TBX5: variants seen among roughly 807,000 people sequenced by gnomAD.
TBX5 encodes the protein T-box transcription factor TBX5.
A neutral mutation model predicts 51.1 loss-of-function variants in TBX5; 8 were observed. The ratio of observed to expected loss-of-function variants is 0.16; its 90% CI spans 0.09 to 0.28. TBX5 has a LOEUF of 0.28. Ranked by LOEUF, TBX5 falls within the 10% of genes least tolerant of loss-of-function variation. TBX5 has a pLI of 1.00. For synonymous variants in TBX5, 302 were observed against 266.4 expected, an observed-to-expected ratio of 1.13 and a Z score of -1.30; for missense variants, 589 against 671.7, an observed-to-expected ratio of 0.88 and a Z score of 1.36.
At chr12:114,397,368 GC>G (rs1055741035) in intron 5 of TBX5, among the ~76,000 whole-genome samples, 1 of 152,128 alleles carries the variant, frequency 6.6e-6, no homozygotes, top group African/African-American at 2.4e-5. Context: ...CAAAAGCTAT[GC>G]CTCCCGTCCG....
Position 114,356,053 on chromosome 12 carries a change from A to G in TBX5, c.1036T>C (p.Ser346Pro). Reference protein sequence around the residue: ...HPYKKPYMETSPSEEDSFYRS... With the variant: ...HPYKKPYMETPPSEEDSFYRS... ...TAGAAGGAATCTTCTTCACTGGGTG[A>G]TGTCTCCATGTAGGGCTTCTTATAG... The change falls in exon 9 of 9, where the codon TCA becomes CCA. Residue 346 changes from serine (S) to proline (P), a missense_variant. Physicochemically the swap from Ser to Pro is moderately conservative, Grantham distance 74 (BLOSUM62 -1). Around this residue, in one of 7 missense-constraint regions of TBX5, gnomAD observed 348 missense variants for 360.4 expected, o/e 0.97. Transcript: ENST00000405440. 6.2e-7 allele frequency: 1 copy of G among 1,613,986 alleles called. No homozygotes were observed. The highest frequency in any genetic ancestry group is 1.1e-5 in the South Asian group (1 of 91,082).
In TBX5 at chr12:114,355,913, G is replaced by T. The variant is rs1180235375; in HGVS notation, c.1176C>A (p.Ser392Arg). The T allele has an allele frequency of 7.4e-6, 12 of 1,613,770 alleles. No homozygotes were observed. Among genetic ancestry groups the T allele is most frequent in the Non-Finnish European group, 9.3e-6 (11 of 1,180,048 alleles). ...SSAPPSEPVPSLEDISCNTWP... is the reference protein window; with the variant it reads ...SSAPPSEPVPRLEDISCNTWP... The stretch of plus-strand genomic sequence containing the variant: ...ACGTGTTGCAGCTGATGTCCTCTAG[G>T]CTGGGCACAGGCTCGCTGGGGGGCG... The change falls in exon 9 of 9, where the codon AGC (serine) becomes AGA (arginine). Residue 392 changes from serine (S) to arginine (R), a missense_variant. Ser to Arg is a moderately radical substitution (Grantham distance 110). Transcript: ENST00000405440.
chr12:114,359,917 C>T (rs963066204), intron 8 of TBX5, among the ~76,000 whole-genome samples: 2 of 152,184 alleles, frequency 1.3e-5, no homozygotes. Context: ...TGACCTGGGT[C>T]CATTCTCTTT....
At chr12:114,384,711 G>GAA (rs1375755881) in intron 7 of TBX5, among the ~76,000 whole-genome samples, 4 of 69,726 alleles carry the variant, frequency 5.7e-5, no homozygotes, top group African/African-American at 1.4e-4. Context: ...CAGAAAAAAA[G>GAA]AAAACACACA....
chr12:114,401,994 A>C, intron 2 of TBX5, 74 bp from the exon 3 acceptor site: 2 of 1,298,604 alleles, frequency 1.5e-6, no homozygotes, highest in Non-Finnish European at 2.2e-6. Flanking sequence ...ACTCCCCCAA[A>C]ACACAGAGAC....
intron 7 of TBX5, among the ~76,000 whole-genome samples, chr12:114,370,301 AG>A (rs1869814521): frequency 6.7e-6 from 1 of 149,546 alleles, no homozygotes; most frequent in Non-Finnish European, 1.5e-5. Context: ...AGAAAAGAAA[AG>A]AAAAGAAAAG....
At chr12:114,360,755 T>C (rs1487491994) in intron 8 of TBX5, among the ~76,000 whole-genome samples, 5 of 151,312 alleles carry the variant, frequency 3.3e-5, no homozygotes, top group Admixed American at 6.6e-5. Context: ...GGTGGGTGGA[T>C]GGATTGGTGG....
At chr12:114,378,004 T>C (rs2136388888) in intron 7 of TBX5, among the ~76,000 whole-genome samples, 1 of 152,138 alleles carries the variant, frequency 6.6e-6, no homozygotes, top group Middle Eastern at 3.4e-3. Context: ...GTTGGGTGGC[T>C]CAGATCCCAG....
intron 1 of TBX5, among the ~76,000 whole-genome samples, chr12:114,405,018 A>T (rs1014624090): frequency 1.3e-5 from 2 of 152,156 alleles, no homozygotes; most frequent in Admixed American, 1.3e-4. Flanking sequence ...ATCTCCTTCC[A>T]ATCTCTTCTA....
chr12:114,371,866 G>A (rs1279942941), intron 7 of TBX5, among the ~76,000 whole-genome samples: 1 of 152,110 alleles, frequency 6.6e-6, no homozygotes. Flanking sequence ...GACTGCAGAG[G>A]GCACACCCAA....
At chr12:114,403,687 G>T in intron 2 of TBX5, 65 bp downstream of exon 2, 1 of 1,586,190 alleles carries the variant, frequency 6.3e-7, no homozygotes, top group Non-Finnish European at 8.6e-7. Context: ...AAGAGAAGCC[G>T]AGCAGGAAAG....
Position 114,403,844 on chromosome 12 carries a change from C to G in TBX5, c.55G>C (p.Ala19Pro). ...TTCGAATCGCAGGGCAGGTCTTTTG[C>G]GTCAGGCTCCAGAGGCGTGTGCGCC... ...GLAHTPLEPD[A>P]KDLPCDSKPE... The change falls in exon 2 of 9, where the codon GCA becomes CCA. Residue 19 changes from alanine (A) to proline (P), a missense_variant. Ala to Pro is a conservative substitution (Grantham distance 27). Around this residue, in one of 7 missense-constraint regions of TBX5, gnomAD observed 101 missense variants for 83.3 expected, o/e 1.21. Transcript: ENST00000405440. The G allele has an allele frequency of 1.2e-6, 2 of 1,613,958 alleles. No individual in the cohort carries two copies. Among genetic ancestry groups the G allele is most frequent in the Non-Finnish European group, 1.7e-6 (2 of 1,179,996 alleles).
At chr12:114,385,670 G>T in intron 6 of TBX5, 103 bp from the exon 7 acceptor site, 2 of 999,344 alleles carry the variant, frequency 2.0e-6, no homozygotes, top group Non-Finnish European at 1.6e-6. Flanking sequence ...TGCAGCCTCT[G>T]GCAACCAAAA....
At chr12:114,400,204 G>A (rs1871722055) in intron 3 of TBX5, among the ~76,000 whole-genome samples, 1 of 152,196 alleles carries the variant, frequency 6.6e-6, no homozygotes, top group Non-Finnish European at 1.5e-5. Flanking sequence ...GTATAACTCG[G>A]TTAATGACCT....
chr12:114,357,832 T>A (rs144560740), intron 8 of TBX5, among the ~76,000 whole-genome samples: 19 of 152,368 alleles, frequency 1.2e-4, no homozygotes, highest in Middle Eastern at 3.4e-3. Flanking sequence ...AGAAATTATG[T>A]CTGTCTTTGG....
chr12:114,359,492 G>A (rs1023609093), intron 8 of TBX5, among the ~76,000 whole-genome samples: 4 of 152,164 alleles, frequency 2.6e-5, no homozygotes, highest in Non-Finnish European at 5.9e-5. Flanking sequence ...CTGATGAGAT[G>A]AGTCCACAAC....
Position 114,366,216 on chromosome 12 carries a change from A to G in TBX5, c.931T>C (p.Tyr311His). 1 of 1,613,984 alleles carries G rather than the reference A, an allele frequency of 6.2e-7. No homozygotes were observed. The highest frequency in any genetic ancestry group is 8.5e-7 in the Non-Finnish European group (1 of 1,179,980). Reference protein sequence around the residue: ...SQDLLPPPNPYPLPQEHSQIY... With the variant: ...SQDLLPPPNPHPLPQEHSQIY... ...TGGCTATGCTCCTGGGGCAGTGGGTATGGGTTGGGTGGAGGCAGGAGGTCC... is the reference window on the plus strand; with the variant it reads ...TGGCTATGCTCCTGGGGCAGTGGGTGTGGGTTGGGTGGAGGCAGGAGGTCC... The change falls in exon 8 of 9, where the codon TAC becomes CAC. Residue 311 changes from tyrosine to histidine, a missense_variant. Physicochemically the swap from Tyr to His is moderately conservative, Grantham distance 83. This residue lies in a region of TBX5 where 348 missense variants were observed against 360.4 expected (regional missense o/e 0.97). Transcript: ENST00000405440.
At chr12:114,359,038 C>A (rs545315162) in intron 8 of TBX5, among the ~76,000 whole-genome samples, 1 of 151,210 alleles carries the variant, frequency 6.6e-6, no homozygotes, top group African/African-American at 2.4e-5. Context: ...AAAAACAAGG[C>A]AAACTAACTA....
At chr12:114,406,403 G>T (rs1209095931), upstream of TBX5, among the ~76,000 whole-genome samples, 1 of 152,066 alleles carries the variant, frequency 6.6e-6, no homozygotes, top group Non-Finnish European at 1.5e-5. Flanking sequence ...AACGCGGTCG[G>T]CTTCTAATCG....
Sources: gnomAD v4.1 joint callset for allele counts (sites outside exome capture counted in the v4.1 genomes callset) on GRCh38, gnomAD v4.1.1 for gene constraint, gnomAD v4.1.1 regional missense constraint, MANE v1.5 for transcripts, NCBI Gene and HGNC (gene_info 2026-07-23, HGNC 2026-07-21) for gene names.